Variants in SYNE2 observed in about 807,000 individuals in gnomAD.
The protein encoded by SYNE2 is spectrin repeat containing nuclear envelope protein 2, also known as nesprin-2.
A neutral mutation model predicts 856.3 loss-of-function variants in SYNE2; 431 were observed. The ratio of observed to expected loss-of-function variants is 0.50; its 90% CI spans 0.47 to 0.55. The LOEUF is 0.55. Ranked by LOEUF, SYNE2 falls within the 20% of genes least tolerant of loss-of-function variation. The pLI is 0.00. For synonymous variants in SYNE2, 2,923 were observed against 2,872.3 expected (o/e 1.02, Z -0.56); for missense variants, 8,129 against 8,023.2 (o/e 1.01, Z -0.50).
intron 14 of SYNE2, among the ~76,000 whole-genome samples, 189 bp from the exon 15 acceptor site, chr14:63,980,465 C>G (rs1280247714): frequency 6.6e-6 from 1 of 152,178 alleles, no homozygotes; most frequent in Non-Finnish European, 1.5e-5. Flanking sequence ...ATTTAATGTT[C>G]ACACTCAGCT....
At chr14:63,797,185 C>T (rs991149692) in intron 1 of SYNE2, among the ~76,000 whole-genome samples, 3 of 150,374 alleles carry the variant, frequency 2.0e-5, no homozygotes, top group African/African-American at 4.9e-5. Context: ...TCACCTGAGG[C>T]CAGGAGTTTG....
intron 81 of SYNE2, 109 bp from the exon 82 acceptor site, chr14:64,141,833 C>A: frequency 7.3e-7 from 1 of 1,362,074 alleles, no homozygotes; most frequent in Non-Finnish European, 1.0e-6. Flanking sequence ...GAGTAACCTG[C>A]ATAATTATAT....
At chr14:63,963,472 A>G (rs2096349259) in intron 9 of SYNE2, among the ~76,000 whole-genome samples, 1 of 152,246 alleles carries the variant, frequency 6.6e-6, no homozygotes, top group African/African-American at 2.4e-5. Flanking sequence ...TCTTAATGAT[A>G]GCATAGCTAA....
chr14:63,923,119 G>A (rs938732984), intron 2 of SYNE2, among the ~76,000 whole-genome samples: 54 of 152,180 alleles, frequency 3.5e-4, no homozygotes, highest in African/African-American at 1.3e-3. Flanking sequence ...TCTTCATTCC[G>A]TAGATATTTA....
intron 49 of SYNE2, among the ~76,000 whole-genome samples, chr14:64,061,321 C>G (rs936899884): frequency 6.6e-6 from 1 of 152,112 alleles, no homozygotes; most frequent in Non-Finnish European, 1.5e-5. Flanking sequence ...TTGGATTGCT[C>G]CCAGTTTTTG....
At chr14:63,853,206 G>A (rs1173676075) in intron 1 of SYNE2, 63 bp downstream of exon 1, 1 of 151,870 alleles carries the variant, frequency 6.6e-6, no homozygotes, top group East Asian at 1.9e-4. Flanking sequence ...TGGGAGGGAG[G>A]GGAAGGGGCG....
At chr14:64,184,439 C>CCAGTGACTGTA (rs1470877665) in intron 96 of SYNE2, among the ~76,000 whole-genome samples, 4 of 151,718 alleles carry the variant, frequency 2.6e-5, no homozygotes, top group Non-Finnish European at 5.9e-5. Context: ...TCAACCTTAT[C>CCAGTGACTGTA]CAGTGACTGT....
At position 63,974,851 on chromosome 14, in the gene SYNE2, CATGTGT is replaced by C. The variant is rs1468658653; in HGVS notation, c.1129-1711_1129-1706del. The stretch of plus-strand genomic sequence containing the variant: ...GTATATAGACGTGTGTGTGTGTGTA[CATGTGT>C]GTGTGTGTGTGTGTGTGTGTGTGTG... On this transcript the variant is annotated intron_variant, in intron 11 of 115. Coordinates refer to ENST00000555002, the MANE Select transcript of SYNE2 (RefSeq NM_182914.3). 7.9e-3 allele frequency among the ~76,000 whole-genome samples: 418 copies of C among 52,624 alleles called. 4 individuals are homozygous for C. The highest frequency in any genetic ancestry group is 0.013 in the Non-Finnish European group (320 of 25,238). The allele number at this position is 52,624 out of a possible 152,430, so 34.5% of individuals were successfully genotyped here.
chr14:64,199,672 C>G (rs1335488815), intron 99 of SYNE2, among the ~76,000 whole-genome samples: 2 of 142,198 alleles, frequency 1.4e-5, no homozygotes, highest in South Asian at 4.4e-4. Context: ...GAGCCCATGT[C>G]GCAGCACTGC....
chr14:64,053,104 A>G lies in SYNE2; in HGVS notation c.9191A>G (p.Lys3064Arg), dbSNP rs952224247. 1 of 1,614,082 alleles carries G rather than the reference A, an allele frequency of 6.2e-7. No homozygotes were observed. The highest frequency in any genetic ancestry group is 1.3e-5 in the African/African-American group (1 of 75,068). The change falls in exon 48 of 116, where the codon AAA (lysine) becomes AGA (arginine). Residue 3064 changes from lysine (K) to arginine (R), a missense_variant. By Grantham distance (26) the Lys-to-Arg change is conservative (BLOSUM62 2). Coordinates refer to ENST00000555002, the MANE Select transcript of SYNE2 (RefSeq NM_182914.3). ...AGAGCTATTGATTTGCAAATTAAGA[A>G]AATGACTGAAGTAGTACTAAAAGCT... The part of the protein sequence containing the change: ...KMRAIDLQIK[K>R]MTEVVLKAPD...
chr14:64,022,792 G>A lies in SYNE2; in HGVS notation c.5566G>A (p.Val1856Met), dbSNP rs757460743. 1.2e-6 allele frequency: 2 copies of A among 1,611,370 alleles called. No individual in the cohort carries two copies. Among genetic ancestry groups the A allele is most frequent in the Non-Finnish European group, 1.7e-6 (2 of 1,177,928 alleles). The change falls in exon 38 of 116, where the codon GTG (valine) becomes ATG (methionine). Residue 1856 changes from valine to methionine, a missense_variant. Physicochemically the swap from Val to Met is conservative, Grantham distance 21. Around this residue, in one of 3 missense-constraint regions of SYNE2, gnomAD observed 2,422 missense variants for 2,357.4 expected, o/e 1.03. Transcript: ENST00000555002. ...NFNDWFSNIK[V>M]NLKECFESSE... ...TAATGACTGGTTCAGCAACATTAAA[G>A]TGAACCTTAAGGAGTGTTTTGAATC...
At position 64,218,490 on chromosome 14, in the gene SYNE2, C is replaced by T. The variant is rs149510065; in HGVS notation, c.19635C>T (p.Ala6545=). 4.3e-5 allele frequency: 69 copies of T among 1,613,894 alleles called. No individual in the cohort carries two copies. The Middle Eastern group carries it at 5.0e-4, about 12-fold the overall frequency. Residue 6545 remains alanine (A), a synonymous_variant, in exon 109 of 116, where the codon GCC becomes GCT. Coordinates refer to ENST00000555002, the MANE Select transcript of SYNE2 (RefSeq NM_182914.3). ...GNPQQEDGGL[A]GITEQQSGAF... is the part of the protein sequence containing the mutation. ...CACAGCAGGAAGACGGGGGACTGGCCGGTATCACAGAGCAGCAGTCAGGTA... is the reference window on the plus strand; with the variant it reads ...CACAGCAGGAAGACGGGGGACTGGCTGGTATCACAGAGCAGCAGTCAGGTA...
chr14:64,068,404 T>C (rs1367396407), intron 51 of SYNE2, among the ~76,000 whole-genome samples: 1 of 152,178 alleles, frequency 6.6e-6, no homozygotes, highest in Non-Finnish European at 1.5e-5. Flanking sequence ...TTGAGTTTAC[T>C]TTTTTTCACT....
At chr14:64,133,638 C>T (rs1052020699) in intron 77 of SYNE2, among the ~76,000 whole-genome samples, 20 of 152,090 alleles carry the variant, frequency 1.3e-4, no homozygotes, top group Admixed American at 9.2e-4. Context: ...TGGGCTTGGG[C>T]GTGGGCTTGG....
At chr14:64,149,659 TAA>T (rs1325253663) in intron 84 of SYNE2, among the ~76,000 whole-genome samples, 1 of 152,234 alleles carries the variant, frequency 6.6e-6, no homozygotes, top group Non-Finnish European at 1.5e-5. Context: ...ATGTTCGTGA[TAA>T]AGTCAGAGGA....
Position 63,980,660 on chromosome 14 carries a change from A to G in SYNE2, c.1576A>G (p.Ile526Val). 1 of 1,591,922 alleles carries G rather than the reference A, an allele frequency of 6.3e-7. No individual in the cohort carries two copies. Among genetic ancestry groups the G allele is most frequent in the Admixed American group, 1.7e-5 (1 of 59,878 alleles). Residue 526 changes from isoleucine to valine, a missense_variant, in exon 15 of 116, where the codon ATT (isoleucine) becomes GTT (valine). This residue lies in a region of SYNE2 where 2,422 missense variants were observed against 2,357.4 expected (regional missense o/e 1.03). Coordinates refer to ENST00000555002, the MANE Select transcript of SYNE2 (RefSeq NM_182914.3). ...ELLLEDWHKF[I>V]EEKEFLARLD... ...TTTTTTGTTTTCTTCCCAGAAATTT[A>G]TTGAAGAAAAAGAATTCCTAGCTCG... is the stretch of plus-strand genomic sequence containing the variant.
chr14:63,810,395 T>C (rs1372971134), intron 1 of SYNE2, among the ~76,000 whole-genome samples: 3 of 152,196 alleles, frequency 2.0e-5, no homozygotes, highest in African/African-American at 7.2e-5. Flanking sequence ...ACTCTGATGC[T>C]TTCCTGGAAG....
chr14:63,800,753 C>A (rs147019009), intron 1 of SYNE2, among the ~76,000 whole-genome samples: 164 of 152,222 alleles, frequency 1.1e-3, no homozygotes, highest in African/African-American at 3.8e-3. Flanking sequence ...TAAGTGGGAG[C>A]TAAATGATGA....
chr14:63,967,699 C>G lies in SYNE2; in HGVS notation c.991-10C>G, dbSNP rs772178786. On this transcript the variant is annotated splice_polypyrimidine_tract_variant and intron_variant, in intron 10 of 115. Coordinates refer to ENST00000555002, the MANE Select transcript of SYNE2 (RefSeq NM_182914.3). ...CATTTTCAATCTTTAAAATACTCTT[C>G]TAATTGCAGAGCCTGCTGTCCTTTA... 6.2e-7 allele frequency: 1 copy of G among 1,613,442 alleles called. No individual in the cohort carries two copies. Among genetic ancestry groups the G allele is most frequent in the Non-Finnish European group, 8.5e-7 (1 of 1,179,512 alleles).
Sources: allele counts gnomAD v4.1 joint callset (sites outside exome capture counted in the v4.1 genomes callset), GRCh38; gene constraint gnomAD v4.1.1; regional missense constraint gnomAD v4.1.1; transcripts MANE v1.5; gene names NCBI Gene and HGNC (gene_info 2026-07-23, HGNC 2026-07-21).